Variants in GPC6 observed in about 807,000 individuals in gnomAD.
GPC6 encodes the protein glypican 6.
GPC6 carries 14 observed loss-of-function variants against 55.2 expected under a neutral mutation model. The observed-to-expected ratio is 0.25, with a 90% CI of 0.17 to 0.40. The LOEUF (loss-of-function observed/expected upper bound fraction) is 0.40. Ranked by LOEUF, GPC6 falls within the 10% of genes least tolerant of loss-of-function variation. The probability of loss-of-function intolerance (pLI) is 1.00; values close to 1 mark genes in which losing one functional copy is unlikely to be tolerated. For missense variants in GPC6, 641 were observed against 708.5 expected, an observed-to-expected ratio of 0.90 and a Z score of 1.08; for synonymous variants, 278 against 259.6, an observed-to-expected ratio of 1.07 and a Z score of -0.68.
chr13:93,363,582 C>A (rs933970784), intron 1 of GPC6, among the ~76,000 whole-genome samples: 1 of 151,614 alleles, frequency 6.6e-6, no homozygotes, highest in South Asian at 2.1e-4. Context: ...GTGAATAATG[C>A]CGCAATAAAC....
chr13:93,973,267 A>C (rs1040959313), intron 3 of GPC6, among the ~76,000 whole-genome samples: 8 of 152,218 alleles, frequency 5.3e-5, no homozygotes, highest in African/African-American at 1.9e-4. Flanking sequence ...AGTGGTACTT[A>C]TGTATCTAAA....
At chr13:94,111,999 T>G (rs948851597) in intron 4 of GPC6, among the ~76,000 whole-genome samples, 2 of 152,118 alleles carry the variant, frequency 1.3e-5, no homozygotes, top group African/African-American at 4.8e-5. Context: ...ATCAACACAC[T>G]TGAACCACTG....
chr13:93,946,329 G>T (rs1879006633), intron 3 of GPC6, among the ~76,000 whole-genome samples: 1 of 152,116 alleles, frequency 6.6e-6, no homozygotes, highest in Admixed American at 6.5e-5. Context: ...ATGAGGTCTT[G>T]CTATGTTGCC....
At chr13:93,339,913 G>A (rs1336640429) in intron 1 of GPC6, among the ~76,000 whole-genome samples, 1 of 151,530 alleles carries the variant, frequency 6.6e-6, no homozygotes, top group East Asian at 1.9e-4. Context: ...ATACCTGTGG[G>A]AAAACTAGAA....
intron 4 of GPC6, among the ~76,000 whole-genome samples, chr13:94,044,985 A>G (rs912847095): frequency 6.6e-6 from 1 of 151,906 alleles, no homozygotes; most frequent in Non-Finnish European, 1.5e-5. Flanking sequence ...ATAATGGGCT[A>G]AATATAAGAG....
chr13:93,360,098 G>A (rs545261509), intron 1 of GPC6, among the ~76,000 whole-genome samples: 1 of 152,220 alleles, frequency 6.6e-6, no homozygotes, highest in Non-Finnish European at 1.5e-5. Context: ...GCCAGTAAAA[G>A]AACATCATTC....
At chr13:93,897,665 G>C (rs1426916064) in intron 3 of GPC6, among the ~76,000 whole-genome samples, 3 of 151,948 alleles carry the variant, frequency 2.0e-5, no homozygotes, top group Non-Finnish European at 4.4e-5. Context: ...TTAAATGGTG[G>C]CACATTCAGC....
chr13:94,280,993 A>T (rs1892363530), intron 4 of GPC6, among the ~76,000 whole-genome samples: 1 of 152,090 alleles, frequency 6.6e-6, no homozygotes, highest in South Asian at 2.1e-4. Flanking sequence ...AATATGCTTC[A>T]TCTATGTCAC....
At chr13:94,259,352 T>C (rs74631216) in intron 4 of GPC6, among the ~76,000 whole-genome samples, 1,538 of 152,252 alleles carry the variant, frequency 0.01, 33 homozygotes, top group African/African-American at 0.034. Context: ...TTGGAACAAA[T>C]TAGGGTTCCA....
intron 1 of GPC6, among the ~76,000 whole-genome samples, chr13:93,496,220 C>T (rs186493323): frequency 5.2e-4 from 79 of 152,308 alleles, no homozygotes; most frequent in Middle Eastern, 3.4e-3. Flanking sequence ...GGGATATAGT[C>T]TCGTGGTGCG....
At chr13:93,437,420 AG>A (rs1435182605) in intron 1 of GPC6, among the ~76,000 whole-genome samples, 4 of 152,328 alleles carry the variant, frequency 2.6e-5, no homozygotes, top group Non-Finnish European at 5.9e-5. Context: ...GTGAATGCAA[AG>A]GAAAAGTTTT....
intron 3 of GPC6, among the ~76,000 whole-genome samples, chr13:93,889,869 A>G (rs1875562888): frequency 6.6e-6 from 1 of 152,136 alleles, no homozygotes; most frequent in Non-Finnish European, 1.5e-5. Context: ...TGATATGCAA[A>G]GGTGTATTTC....
chr13:93,699,403 AGT>A (rs1882592629), intron 2 of GPC6, among the ~76,000 whole-genome samples: 1 of 151,974 alleles, frequency 6.6e-6, no homozygotes, highest in Admixed American at 6.6e-5. Context: ...GGAGTGGAGG[AGT>A]GTGTGCACAT....
intron 1 of GPC6, among the ~76,000 whole-genome samples, chr13:93,279,130 G>T (rs1024297379): frequency 6.6e-6 from 1 of 152,194 alleles, no homozygotes; most frequent in Non-Finnish European, 1.5e-5. Context: ...GAATGGTCTT[G>T]CTAGAATATC....
At chr13:93,874,225 G>A (rs1232442121) in intron 3 of GPC6, among the ~76,000 whole-genome samples, 2 of 151,694 alleles carry the variant, frequency 1.3e-5, no homozygotes, top group Non-Finnish European at 2.9e-5. Context: ...CCCTCAAGCA[G>A]GTTCCATCAT....
At chr13:93,708,506 G>A (rs540170117) in intron 2 of GPC6, among the ~76,000 whole-genome samples, 1 of 151,870 alleles carries the variant, frequency 6.6e-6, no homozygotes, top group South Asian at 2.1e-4. Flanking sequence ...CTTTTTATCA[G>A]TCTTTGAGGT....
chr13:94,180,186 G>A (rs1888939717), intron 4 of GPC6, among the ~76,000 whole-genome samples: 2 of 152,236 alleles, frequency 1.3e-5, no homozygotes, highest in East Asian at 1.9e-4. Context: ...AGATAAGGGA[G>A]AACCACGGAG....
At chr13:93,599,246 C>T (rs1294060384) in intron 2 of GPC6, among the ~76,000 whole-genome samples, 3 of 150,094 alleles carry the variant, frequency 2.0e-5, no homozygotes, top group Non-Finnish European at 4.4e-5. Flanking sequence ...ATTTTTCAAG[C>T]TTCATTTTGA....
At chr13:93,429,968 G>A (rs1332967384) in intron 1 of GPC6, among the ~76,000 whole-genome samples, 1 of 152,098 alleles carries the variant, frequency 6.6e-6, no homozygotes, top group African/African-American at 2.4e-5. Flanking sequence ...CTCCAGGGTT[G>A]CTTTTTCTTT....
Sources: gnomAD v4.1 joint callset for allele counts (sites outside exome capture counted in the v4.1 genomes callset) on GRCh38, gnomAD v4.1.1 for gene constraint, MANE v1.5 for transcripts, NCBI Gene and HGNC (gene_info 2026-07-23, HGNC 2026-07-21) for gene names.